The following ABCA12 variants were observed in gnomAD, a reference collection of about 807,000 sequenced individuals.
The protein encoded by ABCA12 is ATP binding cassette subfamily A member 12.
In ABCA12, 156 loss-of-function variants were observed where a neutral mutation model predicts 293.5. The ratio of observed to expected loss-of-function variants is 0.53; its 90% CI spans 0.47 to 0.61. ABCA12 has a LOEUF of 0.61. ABCA12 is among the 20% of genes least tolerant of loss of function. ABCA12 has a pLI of 0.00. For missense variants in ABCA12, 2,797 were observed against 3,090.2 expected (o/e 0.91, Z 2.25); for synonymous variants, 1,063 against 1,108.0 (o/e 0.96, Z 0.81).
intron 26 of ABCA12, among the ~76,000 whole-genome samples, chr2:214,988,846 G>A (rs888697671): frequency 4.0e-5 from 6 of 151,590 alleles, no homozygotes; most frequent in Admixed American, 2.0e-4. Flanking sequence ...ACTTCTTTTT[G>A]GAGATTATAT....
At chr2:215,133,742 C>A (rs766376890) in intron 1 of ABCA12, among the ~76,000 whole-genome samples, 4 of 152,070 alleles carry the variant, frequency 2.6e-5, no homozygotes, top group Non-Finnish European at 5.9e-5. Flanking sequence ...TTTGGCAATA[C>A]AATTGAGAAC....
chr2:214,990,202 T>G (rs1699881904), intron 24 of ABCA12, among the ~76,000 whole-genome samples: 1 of 152,226 alleles, frequency 6.6e-6, no homozygotes, highest in Non-Finnish European at 1.5e-5. Context: ...TTTCAGTCAG[T>G]AATCTTAATG....
chr2:215,052,354 A>G (rs1289914105), intron 5 of ABCA12, 133 bp downstream of exon 5: 2 of 726,926 alleles, frequency 2.8e-6, no homozygotes, highest in East Asian at 5.6e-5. Flanking sequence ...GGTTCCTAAG[A>G]AAAGAAGTTG....
intron 3 of ABCA12, among the ~76,000 whole-genome samples, chr2:215,055,598 A>G (rs1478919392): frequency 6.6e-6 from 1 of 152,114 alleles, no homozygotes; most frequent in East Asian, 1.9e-4. Flanking sequence ...CTATAAAAAG[A>G]TAATGGAAAA....
intron 2 of ABCA12, among the ~76,000 whole-genome samples, chr2:215,080,088 A>C (rs1701909015): frequency 6.6e-6 from 1 of 152,206 alleles, no homozygotes; most frequent in Admixed American, 6.5e-5. Context: ...AAAACTTTGC[A>C]TCTTTATTCC....
intron 2 of ABCA12, among the ~76,000 whole-genome samples, chr2:215,090,394 C>T (rs900073100): frequency 6.6e-6 from 1 of 152,154 alleles, no homozygotes; most frequent in Non-Finnish European, 1.5e-5. Flanking sequence ...ATCCACCTAC[C>T]ACCTCGGGTC....
chr2:214,947,785 C>T, intron 47 of ABCA12: 1 of 536,662 alleles, frequency 1.9e-6, no homozygotes, highest in East Asian at 3.5e-5. Flanking sequence ...AGATGGGATT[C>T]CCTCCCCCAC....
intron 39 of ABCA12, among the ~76,000 whole-genome samples, chr2:214,965,303 G>A (rs549683519): frequency 6.6e-5 from 10 of 152,042 alleles, no homozygotes; most frequent in Admixed American, 1.3e-4. Context: ...AATACCATTC[G>A]GGACATAGGC....
At position 215,011,645 on chromosome 2, in the gene ABCA12, A is replaced by G. The variant is rs1305898894; in HGVS notation, c.2126T>C (p.Met709Thr). 3.1e-6 allele frequency: 5 copies of G among 1,614,026 alleles called. No individual in the cohort carries two copies. The highest frequency in any genetic ancestry group is 4.2e-6 in the Non-Finnish European group (5 of 1,179,912). ...LPRSVPLTQA[M>T]YRSNRMNTPQ... ...TGTGTTCATTCGGTTGCTTCTGTAC[A>G]TTGCCTGTGAGACAAAAATCCACAA... is the stretch of plus-strand genomic sequence containing the variant. The change falls in exon 17 of 53, where the codon ATG becomes ACG. Residue 709 changes from methionine to threonine, a missense_variant. By Grantham distance (81) the Met-to-Thr change is moderately conservative. Coordinates refer to ENST00000272895, the MANE Select transcript of ABCA12 (RefSeq NM_173076.3).
chr2:215,061,325 C>T (rs111653976), intron 3 of ABCA12, among the ~76,000 whole-genome samples: 77 of 152,026 alleles, frequency 5.1e-4, no homozygotes, highest in African/African-American at 1.8e-3. Flanking sequence ...CACATCAAAA[C>T]ACTTGGCGAC....
chr2:214,987,677 T>C lies in ABCA12; in HGVS notation c.3946A>G (p.Ile1316Val), dbSNP rs2105972802. 1 of 1,614,128 alleles carries C rather than the reference T, an allele frequency of 6.2e-7. No individual in the cohort carries two copies. Among genetic ancestry groups the C allele is most frequent in the Non-Finnish European group, 8.5e-7 (1 of 1,179,984 alleles). ...GATGGGTTGGTGTTCTGCATCATGA[T>C]GTTAGTAAACATGAGGCCATTGCTC... is the stretch of plus-strand genomic sequence containing the variant. ...EKSNGLMFTN[I>V]MMQNTNPSAS... Residue 1316 changes from isoleucine (I) to valine (V), a missense_variant, in exon 27 of 53, where the codon ATC becomes GTC. Ile to Val is a conservative substitution (Grantham distance 29). Coordinates refer to ENST00000272895, the MANE Select transcript of ABCA12 (RefSeq NM_173076.3).
At chr2:214,937,247 G>A (rs959230515) in intron 51 of ABCA12, among the ~76,000 whole-genome samples, 1 of 152,136 alleles carries the variant, frequency 6.6e-6, no homozygotes, top group African/African-American at 2.4e-5. Flanking sequence ...CACCCAGGCT[G>A]GAGTGCAGTG....
At chr2:214,988,804 T>C (rs1028864436) in intron 26 of ABCA12, among the ~76,000 whole-genome samples, 3 of 152,146 alleles carry the variant, frequency 2.0e-5, no homozygotes, top group African/African-American at 7.2e-5. Context: ...TATCTCATCC[T>C]GAAAATTTTT....
In ABCA12 at chr2:215,049,706, T is replaced by C; in HGVS notation, c.613A>G (p.Asn205Asp). The change falls in exon 6 of 53, where the codon AAT (asparagine) becomes GAT (aspartate). Residue 205 changes from asparagine to aspartate, a missense_variant. This residue lies in a region of ABCA12 where 656 missense variants were observed against 638.2 expected (regional missense o/e 1.03). Coordinates refer to ENST00000272895, the MANE Select transcript of ABCA12 (RefSeq NM_173076.3). ...GAAAGGCAAAATTTGTTAAAAACAT[T>C]TCTTCCTAGAAAGGTCCAAGAGAAG... is the stretch of plus-strand genomic sequence containing the variant. Reference protein sequence around the residue: ...DAFSWTFLGRNVFNKFCLSNM... With the variant: ...DAFSWTFLGRDVFNKFCLSNM... The C allele has an allele frequency of 1.9e-6, 3 of 1,613,662 alleles. No homozygotes were observed. Among genetic ancestry groups the C allele is most frequent in the Non-Finnish European group, 2.5e-6 (3 of 1,179,752 alleles).
intron 32 of ABCA12, 41 bp downstream of exon 32, chr2:214,978,763 T>A (rs1699579707): frequency 6.3e-7 from 1 of 1,586,610 alleles, no homozygotes; most frequent in South Asian, 1.1e-5. Flanking sequence ...GAACAGCAAG[T>A]TATATCAGCT....
chr2:214,957,825 G>T (rs1276870263), intron 41 of ABCA12, among the ~76,000 whole-genome samples: 1 of 152,098 alleles, frequency 6.6e-6, no homozygotes, highest in East Asian at 1.9e-4. Context: ...CTACTACTTC[G>T]CATTTTCCAC....
intron 27 of ABCA12, 22 bp downstream of exon 27, chr2:214,987,625 G>T (rs752543769): frequency 6.2e-7 from 1 of 1,603,466 alleles, no homozygotes; most frequent in African/African-American, 1.3e-5. Context: ...AACAAAGCAC[G>T]CTGTTGACCG....
chr2:215,114,437 T>G (rs2970965), intron 1 of ABCA12, among the ~76,000 whole-genome samples: 20 of 152,204 alleles, frequency 1.3e-4, no homozygotes, highest in African/African-American at 4.3e-4. Flanking sequence ...TAATCTGATC[T>G]AACTCTTTTT....
Position 214,957,667 on chromosome 2 carries a change from C to T in ABCA12, c.6117+610G>A, listed in dbSNP as rs114504458. On this transcript the variant is annotated intron_variant, in intron 41 of 52. Coordinates refer to ENST00000272895, the MANE Select transcript of ABCA12 (RefSeq NM_173076.3). ...CATAATCACCAGGCAAATGCATACCCATCCTGGGCTTTTGGCCAACATTGG... is the reference window on the plus strand; with the variant it reads ...CATAATCACCAGGCAAATGCATACCTATCCTGGGCTTTTGGCCAACATTGG... 5.7e-3 allele frequency among the ~76,000 whole-genome samples: 869 copies of T among 152,306 alleles called. 5 individuals carry two copies. Among genetic ancestry groups the T allele is most frequent in the Middle Eastern group, 0.034 (10 of 292 alleles).
Sources: allele counts gnomAD v4.1 joint callset (sites outside exome capture counted in the v4.1 genomes callset), GRCh38; gene constraint gnomAD v4.1.1; regional missense constraint gnomAD v4.1.1; transcripts MANE v1.5; gene names NCBI Gene and HGNC (gene_info 2026-07-23, HGNC 2026-07-21).